The following ARHGEF26 variants were observed in gnomAD, a reference collection of about 807,000 sequenced individuals.
ARHGEF26 encodes Rho guanine nucleotide exchange factor 26, also known as Rho guanine nucleotide exchange factor (GEF) 26.
Under a neutral mutation model 89.4 loss-of-function variants are expected in ARHGEF26, and 59 were observed. The ratio of observed to expected loss-of-function variants is 0.66; its 90% CI spans 0.54 to 0.82. ARHGEF26 has a LOEUF of 0.82. ARHGEF26 is among the 40% of genes least tolerant of loss of function. ARHGEF26 has a pLI of 0.00. For synonymous variants in ARHGEF26, 500 were observed against 428.4 expected, an observed-to-expected ratio of 1.17 and a Z score of -2.06; for missense variants, 1,234 against 1,085.6, an observed-to-expected ratio of 1.14 and a Z score of -1.92.
rs2108310183 is a variant in ARHGEF26 at position 154,255,873 on chromosome 3, A to T, written c.*400A>T. 1.0e-6 allele frequency: 1 copy of T among 997,822 alleles called. No individual in the cohort carries two copies. The highest frequency in any genetic ancestry group is 1.2e-6 in the Non-Finnish European group (1 of 838,212). 61.8% of individuals were successfully genotyped at this position (997,822 alleles called of 1,614,324 possible). ...ATCCTTGTATGGTTCTCCCAGTATT[A>T]GCAAGATTGTATATCTGTAAAGAAT... On this transcript the variant is annotated 3_prime_UTR_variant, in exon 15 of 15. Coordinates refer to ENST00000465093, the MANE Select transcript of ARHGEF26 (RefSeq NM_015595.4).
chr3:154,257,717 T>G lies in ARHGEF26; in HGVS notation c.*2244T>G, dbSNP rs963958225. On this transcript the variant is annotated 3_prime_UTR_variant, in exon 15 of 15. Coordinates refer to ENST00000465093, the MANE Select transcript of ARHGEF26 (RefSeq NM_015595.4). ...ATGGACACCTGCTCTGAATTGTACA[T>G]TGACTTCATTACTAAAGAACAAAAA... 6.6e-6 allele frequency: 1 copy of G among 152,166 alleles called. No individual in the cohort carries two copies. Among genetic ancestry groups the G allele is most frequent in the Non-Finnish European group, 1.5e-5 (1 of 68,040 alleles). 9.4% of individuals were successfully genotyped at this position (152,166 alleles called of 1,614,324 possible).
At chr3:154,169,556 A>G (rs1043713109) in intron 6 of ARHGEF26, among the ~76,000 whole-genome samples, 1 of 152,150 alleles carries the variant, frequency 6.6e-6, no homozygotes, top group Non-Finnish European at 1.5e-5. Flanking sequence ...GCATCGTGCA[A>G]AACTGTTTAG....
intron 9 of ARHGEF26, among the ~76,000 whole-genome samples, chr3:154,209,489 G>A (rs1047273614): frequency 1.3e-5 from 2 of 152,144 alleles, no homozygotes; most frequent in African/African-American, 2.4e-5. Flanking sequence ...GCCCAGTAAC[G>A]CTGTGGTTCT....
Position 154,257,152 on chromosome 3 carries a change from C to A in ARHGEF26, c.*1679C>A. 1.5e-6 allele frequency: 1 copy of A among 659,108 alleles called. No individual in the cohort carries two copies. The highest frequency in any genetic ancestry group is 2.4e-6 in the Non-Finnish European group (1 of 424,038). The allele number at this position is 659,108 out of a possible 1,614,324, so 40.8% of individuals were successfully genotyped here. A position where few individuals can be genotyped will look rare whatever the true frequency, so the allele number is the denominator to read the frequency against. ...TCACACAGCCTGCACCCTGTCACCTCGGCAATGAGCCAGTGTGGGGCACTG... is the reference window on the plus strand; with the variant it reads ...TCACACAGCCTGCACCCTGTCACCTAGGCAATGAGCCAGTGTGGGGCACTG... On this transcript the variant is annotated 3_prime_UTR_variant, in exon 15 of 15. Transcript: ENST00000465093.
At chr3:154,187,309 A>G (rs1033545012) in intron 6 of ARHGEF26, 8 of 745,904 alleles carry the variant, frequency 1.1e-5, no homozygotes, top group Non-Finnish European at 1.3e-5. Flanking sequence ...ATAATGAAAT[A>G]TGTTTAGTCT....
intron 9 of ARHGEF26, 134 bp downstream of exon 9, chr3:154,194,852 C>T: frequency 1.4e-6 from 1 of 713,682 alleles, no homozygotes; most frequent in Non-Finnish European, 2.4e-6. Flanking sequence ...TAGGTAGTTG[C>T]AAAACAAAAT....
chr3:154,252,780 T>A (rs1447608072), intron 12 of ARHGEF26, among the ~76,000 whole-genome samples: 1 of 152,222 alleles, frequency 6.6e-6, no homozygotes, highest in Non-Finnish European at 1.5e-5. Flanking sequence ...TTTTGAAATG[T>A]TAAACATCAA....
At chr3:154,123,174 T>A in intron 2 of ARHGEF26, 99 bp downstream of exon 2, 2 of 1,494,374 alleles carry the variant, frequency 1.3e-6, no homozygotes, top group Non-Finnish European at 1.8e-6. Context: ...AAGAAGTCAT[T>A]CCGTTTTAAT....
rs529889512 is a variant in ARHGEF26, at chr3:154,210,702, G to C, written c.1846-7167G>C. Reference sequence around the variant, plus strand: ...CACACCTGTAATCCCAGCACATTGAGAGGCCGAGGCAGGCGGATCACCTGA... The same window carrying C: ...CACACCTGTAATCCCAGCACATTGACAGGCCGAGGCAGGCGGATCACCTGA... On this transcript the variant is annotated intron_variant, in intron 9 of 14. Coordinates refer to ENST00000465093, the MANE Select transcript of ARHGEF26 (RefSeq NM_015595.4). Among the ~76,000 whole-genome samples, 14 of 151,680 alleles carry C rather than the reference G, an allele frequency of 9.2e-5. No homozygotes were observed. In the East Asian group the frequency reaches 2.8e-3, roughly 31 times the overall value.
Position 154,122,456 on chromosome 3 carries a change from C to A in ARHGEF26, c.464C>A (p.Pro155His), listed in dbSNP as rs751394343. The A allele has an allele frequency of 3.7e-6, 6 of 1,612,224 alleles. No individual in the cohort carries two copies. In the Admixed American group the frequency reaches 1.0e-4, roughly 27 times the overall value. ...CCGCGGACTCCTAACGCGCCCGCCC[C>A]CTGCACCCCCGAGGAGGACCTTACT... ...RPPRTPNAPA[P>H]CTPEEDLTGL... Residue 155 changes from proline to histidine, a missense_variant, in exon 2 of 15, where the codon CCC (proline) becomes CAC (histidine). Transcript: ENST00000465093.
chr3:154,256,976 C>CTATT lies in ARHGEF26; in HGVS notation c.*1505_*1508dup, dbSNP rs1036968626. On this transcript the variant is annotated 3_prime_UTR_variant, in exon 15 of 15. Transcript: ENST00000465093. The stretch of plus-strand genomic sequence containing the variant: ...CTGGCAGCTATATTCCCTCTCTGTT[C>CTATT]TATTTGCTTTAACAAAGGGATAAAA... The CTATT allele has an allele frequency of 3.6e-4, 554 of 1,524,346 alleles. 1 individual carries two copies. In the African/African-American group the frequency reaches 6.8e-3, roughly 19 times the overall value. The allele number at this position is 1,524,346 out of a possible 1,614,324, so 94.4% of individuals were successfully genotyped here. A position where few individuals can be genotyped will look rare whatever the true frequency, so the allele number is the denominator to read the frequency against.
At chr3:154,159,362 A>G (rs1176653770) in intron 6 of ARHGEF26, among the ~76,000 whole-genome samples, 1 of 152,142 alleles carries the variant, frequency 6.6e-6, no homozygotes, top group Non-Finnish European at 1.5e-5. Context: ...GCTTGTCTTC[A>G]ATTTCTGCAG....
At chr3:154,157,570 A>G (rs1711498727) in intron 6 of ARHGEF26, among the ~76,000 whole-genome samples, 1 of 152,118 alleles carries the variant, frequency 6.6e-6, no homozygotes, top group Non-Finnish European at 1.5e-5. Context: ...TGAAAATGTT[A>G]AAAGATTTGA....
chr3:154,202,059 T>A (rs1225716111), intron 9 of ARHGEF26, among the ~76,000 whole-genome samples: 1 of 152,234 alleles, frequency 6.6e-6, no homozygotes, highest in Non-Finnish European at 1.5e-5. Context: ...TTTTGGTGTT[T>A]TAGACATGAA....
chr3:154,147,604 T>C (rs1028702897), intron 4 of ARHGEF26, among the ~76,000 whole-genome samples: 1 of 152,178 alleles, frequency 6.6e-6, no homozygotes, highest in Non-Finnish European at 1.5e-5. Flanking sequence ...ATTGGTAAAC[T>C]TCAAAAAGCT....
chr3:154,223,905 CT>C (rs1307175157), intron 10 of ARHGEF26, among the ~76,000 whole-genome samples: 1 of 152,158 alleles, frequency 6.6e-6, no homozygotes, highest in African/African-American at 2.4e-5. Context: ...GCAGCTCTCT[CT>C]TTTCTTGCTG....
At chr3:154,123,618 G>C (rs1275574670) in intron 2 of ARHGEF26, among the ~76,000 whole-genome samples, 1 of 152,160 alleles carries the variant, frequency 6.6e-6, no homozygotes, top group African/African-American at 2.4e-5. Flanking sequence ...CAGTTGCCAG[G>C]ATCACAAAAG....
At chr3:154,236,621 G>T (rs1045952585) in intron 11 of ARHGEF26, among the ~76,000 whole-genome samples, 3 of 152,134 alleles carry the variant, frequency 2.0e-5, no homozygotes, top group African/African-American at 7.2e-5. Context: ...CAGGAAGGGG[G>T]TTTCTTTCCC....
At chr3:154,210,567 G>A (rs942001469) in intron 9 of ARHGEF26, among the ~76,000 whole-genome samples, 1 of 150,874 alleles carries the variant, frequency 6.6e-6, no homozygotes, top group African/African-American at 2.4e-5. Context: ...TGCCCACCTC[G>A]GCCTCCCAAA....
Sources: allele counts gnomAD v4.1 joint callset (sites outside exome capture counted in the v4.1 genomes callset), GRCh38; gene constraint gnomAD v4.1.1; transcripts MANE v1.5; gene names NCBI Gene and HGNC (gene_info 2026-07-23, HGNC 2026-07-21).